The following ADARB2 variants were observed in gnomAD, a reference collection of about 807,000 sequenced individuals.
The protein encoded by ADARB2 is inactive double-stranded RNA-specific editase B2.
Under a neutral mutation model 62.2 loss-of-function variants are expected in ADARB2, and 25 were observed. That is an observed-to-expected ratio of 0.40 (90% CI 0.29 to 0.56). ADARB2 has a LOEUF of 0.56. ADARB2 is among the 20% of genes least tolerant of loss of function. The pLI, the probability that ADARB2 is intolerant of heterozygous loss-of-function variation, is 0.43. For missense variants in ADARB2, 1,071 were observed against 1,077.4 expected (o/e 0.99, Z 0.08); for synonymous variants, 572 against 500.8 (o/e 1.14, Z -1.90).
intron 1 of ADARB2, among the ~76,000 whole-genome samples, chr10:1,703,241 A>G (rs1834845956): frequency 6.6e-6 from 1 of 152,178 alleles, no homozygotes; most frequent in East Asian, 1.9e-4. Flanking sequence ...GGGCATAAAT[A>G]GCAAGGGGGT....
chr10:1,529,441 C>A (rs1225868064), intron 1 of ADARB2, among the ~76,000 whole-genome samples: 1 of 152,192 alleles, frequency 6.6e-6, no homozygotes, highest in Non-Finnish European at 1.5e-5. Flanking sequence ...AAATCTGACT[C>A]CCTGGGGTCA....
chr10:1,413,615 C>T (rs1806446), intron 1 of ADARB2, among the ~76,000 whole-genome samples: 38,017 of 151,862 alleles, frequency 0.25, 5,142 homozygotes, highest in Middle Eastern at 0.41. Context: ...ACACAGGAAG[C>T]GCAGCCGTGA....
Position 1,355,378 on chromosome 10 carries a change from C to T in ADARB2, c.1077+7650G>A, listed in dbSNP as rs149198721. 4.0e-3 allele frequency among the ~76,000 whole-genome samples: 610 copies of T among 152,328 alleles called. 3 individuals are homozygous for T. The highest frequency in any genetic ancestry group is 0.014 in the African/African-American group (576 of 41,572). On this transcript the variant is annotated intron_variant, in intron 3 of 9. Coordinates refer to ENST00000381312, the MANE Select transcript of ADARB2 (RefSeq NM_018702.4). ...AGCTCTGCTGTCTGTAACTGTCCTC[C>T]CTGCTCCACCCCTCAGTGACTAGAC...
chr10:1,536,386 A>C (rs1180350627), intron 1 of ADARB2, among the ~76,000 whole-genome samples: 1 of 152,268 alleles, frequency 6.6e-6, no homozygotes. Flanking sequence ...TTTATTGTTT[A>C]AACTAAACCA....
intron 4 of ADARB2, among the ~76,000 whole-genome samples, chr10:1,245,791 T>C (rs1830981108): frequency 6.6e-6 from 1 of 152,126 alleles, no homozygotes; most frequent in African/African-American, 2.4e-5. Flanking sequence ...AGTGCCACAA[T>C]AAACATATGT....
intron 1 of ADARB2, among the ~76,000 whole-genome samples, chr10:1,509,504 G>C (rs1831894570): frequency 1.3e-5 from 2 of 152,170 alleles, no homozygotes; most frequent in African/African-American, 4.8e-5. Context: ...TTAAGCCCGA[G>C]CTGCTACTGT....
intron 1 of ADARB2, among the ~76,000 whole-genome samples, chr10:1,544,956 T>TACACACACGCACACACACACACAC (rs1832496753): frequency 4.5e-5 from 6 of 133,850 alleles, no homozygotes; most frequent in African/African-American, 1.6e-4. Flanking sequence ...TAGCAAAGTA[T>TACACACACGCACACACACACACAC]ACACACACAC....
At chr10:1,513,972 C>T (rs1831972344) in intron 1 of ADARB2, among the ~76,000 whole-genome samples, 1 of 151,558 alleles carries the variant, frequency 6.6e-6, no homozygotes, top group Non-Finnish European at 1.5e-5. Flanking sequence ...CTTGTAATCC[C>T]AGCATTGTGG....
At chr10:1,354,274 A>G (rs568293317) in intron 3 of ADARB2, among the ~76,000 whole-genome samples, 2 of 152,160 alleles carry the variant, frequency 1.3e-5, no homozygotes, top group African/African-American at 4.8e-5. Flanking sequence ...ACCTGCAGGT[A>G]CACATCCATC....
chr10:1,556,142 G>A (rs1271805430), intron 1 of ADARB2, among the ~76,000 whole-genome samples: 1 of 152,100 alleles, frequency 6.6e-6, no homozygotes, highest in Non-Finnish European at 1.5e-5. Flanking sequence ...TTCCCAGGAT[G>A]AGGGGGCACC....
rs1165344429 is a variant in ADARB2, at chr10:1,180,015, A to G, written c.*3178T>C. On this transcript the variant is annotated 3_prime_UTR_variant, in exon 10 of 10. Transcript: ENST00000381312. The stretch of plus-strand genomic sequence containing the variant: ...GTCTTGCCCCCTCACTTGGAGGGGA[A>G]TGGGTGGCCACTCTTAAGACCAATT... 6.6e-6 allele frequency: 1 copy of G among 152,014 alleles called. No individual in the cohort carries two copies. The highest frequency in any genetic ancestry group is 1.5e-5 in the Non-Finnish European group (1 of 68,036). The allele number at this position is 152,014 out of a possible 1,614,324, so 9.4% of individuals were successfully genotyped here.
At chr10:1,469,835 G>A (rs1831298849) in intron 1 of ADARB2, among the ~76,000 whole-genome samples, 1 of 152,224 alleles carries the variant, frequency 6.6e-6, no homozygotes, top group Non-Finnish European at 1.5e-5. Context: ...CAGGTGCATT[G>A]CACAGGGGAA....
chr10:1,440,384 CTCCAGTCCTTAATAT>C (rs1293887933), intron 1 of ADARB2, among the ~76,000 whole-genome samples: 1 of 151,266 alleles, frequency 6.6e-6, no homozygotes, highest in Admixed American at 6.6e-5. Context: ...AATATTATAT[CTCCAGTCCTTAATAT>C]TCCACACCTT....
chr10:1,183,845 G>C (rs1274554739), intron 9 of ADARB2, among the ~76,000 whole-genome samples: 2 of 152,210 alleles, frequency 1.3e-5, no homozygotes, highest in Non-Finnish European at 2.9e-5. Context: ...CCCCACCACG[G>C]GGCAGGGAGG....
chr10:1,482,545 G>C (rs1462453348), intron 1 of ADARB2, among the ~76,000 whole-genome samples: 1 of 152,182 alleles, frequency 6.6e-6, no homozygotes, highest in Non-Finnish European at 1.5e-5. Context: ...GTGTTTAATG[G>C]GGACAGAGTT....
chr10:1,613,392 C>T (rs982282472), intron 1 of ADARB2, among the ~76,000 whole-genome samples: 3 of 152,134 alleles, frequency 2.0e-5, no homozygotes, highest in Admixed American at 6.5e-5. Flanking sequence ...TACTTCTTGT[C>T]GTTACCATTT....
intron 1 of ADARB2, among the ~76,000 whole-genome samples, chr10:1,719,925 G>T (rs1835069017): frequency 6.6e-6 from 1 of 152,148 alleles, no homozygotes; most frequent in Non-Finnish European, 1.5e-5. Context: ...AAAAGAGAAT[G>T]CTTATACACT....
At chr10:1,508,163 C>T (rs965388635) in intron 1 of ADARB2, among the ~76,000 whole-genome samples, 4 of 152,128 alleles carry the variant, frequency 2.6e-5, no homozygotes, top group Admixed American at 6.5e-5. Context: ...CTGGTGTTGG[C>T]GTTGGATGAA....
chr10:1,632,629 G>A (rs1416944238), intron 1 of ADARB2, among the ~76,000 whole-genome samples: 2 of 152,186 alleles, frequency 1.3e-5, no homozygotes, highest in Non-Finnish European at 2.9e-5. Flanking sequence ...GGAAATAACT[G>A]CCCTAAAGCC....
Sources: gnomAD v4.1 joint callset for allele counts (sites outside exome capture counted in the v4.1 genomes callset) on GRCh38, gnomAD v4.1.1 for gene constraint, MANE v1.5 for transcripts, NCBI Gene and HGNC (gene_info 2026-07-23, HGNC 2026-07-21) for gene names.